Variants in CLVS1 observed in about 807,000 individuals in gnomAD.
The protein encoded by CLVS1 is clavesin-1.
Under a neutral mutation model 33.1 loss-of-function variants are expected in CLVS1, and 10 were observed. The observed-to-expected ratio is 0.30, with a 90% CI of 0.19 to 0.51. The LOEUF (loss-of-function observed/expected upper bound fraction) is 0.51, where lower values mean the gene tolerates loss of function less well. CLVS1 is among the 20% of genes least tolerant of loss of function. The probability of loss-of-function intolerance (pLI) is 0.97; values close to 1 mark genes in which losing one functional copy is unlikely to be tolerated. For missense variants in CLVS1, 343 were observed against 433.4 expected, an observed-to-expected ratio of 0.79 and a Z score of 1.85; for synonymous variants, 163 against 166.1, an observed-to-expected ratio of 0.98 and a Z score of 0.14.
At chr8:61,320,392 G>T (rs999715880) in intron 2 of CLVS1, among the ~76,000 whole-genome samples, 142 of 151,410 alleles carry the variant, frequency 9.4e-4, no homozygotes, top group Admixed American at 3.8e-3. Flanking sequence ...AAAAAAAAAA[G>T]ATAAGCTTTG....
chr8:61,469,197 C>G (rs1255790197), intron 5 of CLVS1, among the ~76,000 whole-genome samples: 1 of 152,188 alleles, frequency 6.6e-6, no homozygotes, highest in Non-Finnish European at 1.5e-5. Flanking sequence ...CAGCAAAGCA[C>G]CTCCATGCAA....
chr8:61,255,872 T>C (rs1809068957), intron 2 of CLVS1, among the ~76,000 whole-genome samples: 1 of 152,258 alleles, frequency 6.6e-6, no homozygotes, highest in Admixed American at 6.5e-5. Flanking sequence ...AAGGAATGCG[T>C]AATTCAACTT....
intron 5 of CLVS1, among the ~76,000 whole-genome samples, chr8:61,473,175 G>A (rs1817790392): frequency 6.6e-6 from 1 of 151,976 alleles, no homozygotes; most frequent in Non-Finnish European, 1.5e-5. Flanking sequence ...AGCAAAAAGG[G>A]AGGCATGGGG....
At chr8:61,451,338 C>T (rs991606236) in intron 3 of CLVS1, among the ~76,000 whole-genome samples, 1 of 151,156 alleles carries the variant, frequency 6.6e-6, no homozygotes, top group Admixed American at 6.6e-5. Flanking sequence ...CTATTTTTTA[C>T]TTTTGTAGAA....
At chr8:60,967,798 G>T in the CLVS1 span, 5,374 of 415,602 alleles carry the variant, frequency 0.013, 52 homozygotes, top group Non-Finnish European at 0.018. Flanking sequence ...GAGTACTCAG[G>T]GCTGCCTCCT....
upstream of CLVS1, among the ~76,000 whole-genome samples, chr8:61,283,846 C>T (rs1809722649): frequency 6.6e-6 from 1 of 151,994 alleles, no homozygotes; most frequent in African/African-American, 2.4e-5. Flanking sequence ...GTTGGCAACA[C>T]ATGGTTAGGA....
the CLVS1 span, among the ~76,000 whole-genome samples, chr8:60,999,068 G>T: frequency 6.6e-6 from 1 of 152,166 alleles, no homozygotes; most frequent in Non-Finnish European, 1.5e-5. Flanking sequence ...GGATCGAGGC[G>T]ACAGAGGATG....
chr8:61,454,097 GGT>G (rs1563559866), intron 3 of CLVS1, 42 bp from the exon 4 acceptor site: 1 of 1,333,296 alleles, frequency 7.5e-7, no homozygotes, highest in East Asian at 2.3e-5. Flanking sequence ...AGTCTAACAA[GGT>G]GTGCTTACTA....
At chr8:61,030,759 AT>A in the CLVS1 span, among the ~76,000 whole-genome samples, 3 of 152,210 alleles carry the variant, frequency 2.0e-5, no homozygotes, top group East Asian at 5.8e-4. Flanking sequence ...GCCTAAAAGG[AT>A]GACTTTTTTA....
At chr8:61,164,125 T>C (rs1235734269) in intron 2 of CLVS1, among the ~76,000 whole-genome samples, 1 of 152,236 alleles carries the variant, frequency 6.6e-6, no homozygotes, top group Non-Finnish European at 1.5e-5. Context: ...ATTGGTATTT[T>C]AGTGAGCCCT....
At chr8:61,063,314 G>A (rs1437127805) in intron 1 of CLVS1, among the ~76,000 whole-genome samples, 2 of 108,176 alleles carry the variant, frequency 1.8e-5, no homozygotes, top group African/African-American at 7.4e-5. Context: ...AGAGAGAACA[G>A]TCATTTTCCT....
intron 2 of CLVS1, among the ~76,000 whole-genome samples, chr8:61,280,095 A>G (rs1389556847): frequency 6.7e-6 from 1 of 149,444 alleles, no homozygotes; most frequent in African/African-American, 2.5e-5. Context: ...GATAGTAAGT[A>G]ACAAACCTAA....
At chr8:61,472,381 A>G (rs925146254) in intron 5 of CLVS1, among the ~76,000 whole-genome samples, 1 of 151,970 alleles carries the variant, frequency 6.6e-6, no homozygotes, top group Non-Finnish European at 1.5e-5. Flanking sequence ...GGGGGAGGAG[A>G]AGGAGGGAAA....
intron 1 of CLVS1, among the ~76,000 whole-genome samples, chr8:61,095,167 C>T (rs7007969): frequency 6.6e-6 from 1 of 152,038 alleles, no homozygotes. Flanking sequence ...TGAACTCGCC[C>T]TACCTAGTTA....
chr8:61,334,717 G>A (rs547258681), intron 2 of CLVS1, among the ~76,000 whole-genome samples: 19 of 152,254 alleles, frequency 1.2e-4, no homozygotes, highest in Non-Finnish European at 2.2e-4. Flanking sequence ...GGGGAGGGGT[G>A]GGCAGCTGAG....
chr8:61,319,484 C>G (rs1017862618), intron 2 of CLVS1, among the ~76,000 whole-genome samples: 3 of 152,196 alleles, frequency 2.0e-5, no homozygotes, highest in African/African-American at 7.2e-5. Flanking sequence ...TCACTTCCAG[C>G]TCCTCATTTT....
At chr8:61,135,306 T>A (rs1459119778) in intron 2 of CLVS1, among the ~76,000 whole-genome samples, 1 of 152,030 alleles carries the variant, frequency 6.6e-6, no homozygotes, top group African/African-American at 2.4e-5. Flanking sequence ...CTGTGACTTG[T>A]CTGGGGAACA....
chr8:61,139,682 G>C (rs981073950), intron 2 of CLVS1, among the ~76,000 whole-genome samples: 14 of 152,110 alleles, frequency 9.2e-5, no homozygotes, highest in Non-Finnish European at 1.8e-4. Flanking sequence ...GGGCGCGAGA[G>C]AGGGCTGCCA....
chr8:61,455,886 A>T (rs1817136236), intron 4 of CLVS1, among the ~76,000 whole-genome samples: 1 of 152,182 alleles, frequency 6.6e-6, no homozygotes, highest in Admixed American at 6.5e-5. Flanking sequence ...TTTAGAGAGC[A>T]TTGCAATGGG....
Sources: gnomAD v4.1 joint callset for allele counts (sites outside exome capture counted in the v4.1 genomes callset) on GRCh38, gnomAD v4.1.1 for gene constraint, MANE v1.5 for transcripts, NCBI Gene and HGNC (gene_info 2026-07-23, HGNC 2026-07-21) for gene names.